Variants in SCFD2 observed in about 807,000 individuals in gnomAD.
The protein encoded by SCFD2 is sec1 family domain-containing protein 2.
A neutral mutation model predicts 58.9 loss-of-function variants in SCFD2; 54 were observed. That is an observed-to-expected ratio of 0.92 (90% CI 0.74 to 1.15). The LOEUF is 1.15. Among genes scored for constraint, SCFD2 ranks in the 50% most tolerant of loss-of-function variants. The probability of loss-of-function intolerance (pLI) is 0.00; values close to 1 mark genes in which losing one functional copy is unlikely to be tolerated. For missense variants in SCFD2, 805 were observed against 836.6 expected (o/e 0.96, Z 0.47); for synonymous variants, 321 against 335.9 (o/e 0.96, Z 0.49).
chr4:52,971,036 C>T (rs1721086551), intron 5 of SCFD2, among the ~76,000 whole-genome samples: 1 of 152,064 alleles, frequency 6.6e-6, no homozygotes, highest in Non-Finnish European at 1.5e-5. Context: ...TCATCAAAGA[C>T]CAAAGGTAGA....
chr4:53,099,457 G>A (rs1211319474), intron 5 of SCFD2, among the ~76,000 whole-genome samples: 1 of 152,150 alleles, frequency 6.6e-6, no homozygotes, highest in Non-Finnish European at 1.5e-5. Context: ...GAATATCTAA[G>A]GCTGGGTAAT....
At chr4:53,010,842 C>G (rs1232378758) in intron 5 of SCFD2, among the ~76,000 whole-genome samples, 2 of 152,134 alleles carry the variant, frequency 1.3e-5, no homozygotes, top group African/African-American at 2.4e-5. Context: ...TCCTCAGATC[C>G]CAAATACATA....
chr4:53,184,643 T>G (rs1727687283), intron 4 of SCFD2, among the ~76,000 whole-genome samples: 1 of 152,160 alleles, frequency 6.6e-6, no homozygotes, highest in South Asian at 2.1e-4. Flanking sequence ...ATCTACTCTG[T>G]TTGTCCAAAG....
chr4:53,251,468 G>A (rs1730377550), intron 4 of SCFD2, among the ~76,000 whole-genome samples: 1 of 152,112 alleles, frequency 6.6e-6, no homozygotes, highest in African/African-American at 2.4e-5. Context: ...GATGAACATT[G>A]ATGCAAAAAT....
intron 1 of SCFD2, 141 bp from the exon 2 acceptor site, chr4:53,352,907 T>C (rs1339825073): frequency 7.1e-6 from 5 of 705,746 alleles, no homozygotes; most frequent in Non-Finnish European, 1.2e-5. Flanking sequence ...TTGCCCTTCA[T>C]ACAGCTAATC....
intron 5 of SCFD2, among the ~76,000 whole-genome samples, chr4:52,979,252 T>C (rs1029937674): frequency 1.3e-5 from 2 of 152,114 alleles, no homozygotes; most frequent in Non-Finnish European, 2.9e-5. Flanking sequence ...GCAGGTTTTC[T>C]AGGGGCTGAT....
chr4:53,293,535 T>C (rs1364369160), intron 3 of SCFD2, among the ~76,000 whole-genome samples: 2 of 152,148 alleles, frequency 1.3e-5, no homozygotes, highest in African/African-American at 4.8e-5. Context: ...AACCTCATGA[T>C]CATCTCAAAT....
chr4:53,328,246 C>A lies in SCFD2; in HGVS notation c.1008-14483G>T, dbSNP rs548792544. On this transcript the variant is annotated intron_variant, in intron 2 of 8. Coordinates refer to ENST00000401642, the MANE Select transcript of SCFD2 (RefSeq NM_152540.4). ...TATACAAATTCCTTAGCTGTGTCCA[C>A]TGTGAGGCCCTGGGAACAGTGACAC... is the stretch of plus-strand genomic sequence containing the variant. 2.6e-5 allele frequency among the ~76,000 whole-genome samples: 4 copies of A among 152,162 alleles called. No homozygotes were observed. In the South Asian group the frequency reaches 8.3e-4, roughly 32 times the overall value.
chr4:52,892,993 C>G (rs1560472280), intron 7 of SCFD2, among the ~76,000 whole-genome samples: 1 of 152,070 alleles, frequency 6.6e-6, no homozygotes, highest in Non-Finnish European at 1.5e-5. Context: ...AATACTGAAC[C>G]CTATTTCATA....
chr4:53,043,803 C>G (rs1466346753), intron 5 of SCFD2, among the ~76,000 whole-genome samples: 1 of 151,826 alleles, frequency 6.6e-6, no homozygotes, highest in Non-Finnish European at 1.5e-5. Context: ...AAAAAATATT[C>G]TTTTAAAATA....
intron 5 of SCFD2, among the ~76,000 whole-genome samples, chr4:53,042,990 A>C (rs1722937457): frequency 1.3e-5 from 2 of 152,162 alleles, no homozygotes; most frequent in African/African-American, 2.4e-5. Context: ...GAAACTTTAT[A>C]AGTTAGAAAA....
At chr4:52,994,453 C>G (rs989872916) in intron 5 of SCFD2, among the ~76,000 whole-genome samples, 5 of 152,168 alleles carry the variant, frequency 3.3e-5, no homozygotes, top group African/African-American at 1.2e-4. Flanking sequence ...CATCGGTGCC[C>G]TCACCTGTCA....
chr4:52,874,104 G>T (rs1718414199), intron 8 of SCFD2, 43 bp from the exon 9 acceptor site: 3 of 1,303,598 alleles, frequency 2.3e-6, no homozygotes, highest in Non-Finnish European at 3.3e-6. Flanking sequence ...GAATTAGGGG[G>T]GCCAATCTCA....
At chr4:52,911,473 T>C (rs1719484231) in intron 6 of SCFD2, among the ~76,000 whole-genome samples, 1 of 152,250 alleles carries the variant, frequency 6.6e-6, no homozygotes, top group African/African-American at 2.4e-5. Context: ...TTTGTGATTG[T>C]TCTGTGCTAC....
At chr4:52,928,770 C>A (rs551992692) in intron 5 of SCFD2, among the ~76,000 whole-genome samples, 1 of 152,196 alleles carries the variant, frequency 6.6e-6, no homozygotes, top group South Asian at 2.1e-4. Context: ...AGGACATGCT[C>A]CAGTGGGAGC....
intron 2 of SCFD2, among the ~76,000 whole-genome samples, chr4:53,346,030 C>T (rs567231031): frequency 6.6e-6 from 1 of 152,124 alleles, no homozygotes; most frequent in Admixed American, 6.6e-5. Context: ...AGCAAACCAA[C>T]ATGGCACATG....
intron 5 of SCFD2, among the ~76,000 whole-genome samples, chr4:53,127,945 T>C (rs1173834846): frequency 6.9e-6 from 1 of 145,418 alleles, no homozygotes; most frequent in Non-Finnish European, 1.5e-5. Flanking sequence ...AGTTTTTTGT[T>C]TTTTTTTTTT....
At chr4:53,147,429 A>G (rs1212989962) in intron 4 of SCFD2, among the ~76,000 whole-genome samples, 1 of 152,212 alleles carries the variant, frequency 6.6e-6, no homozygotes, top group Non-Finnish European at 1.5e-5. Flanking sequence ...TTTTATACAC[A>G]AAAAACAGCT....
At chr4:52,935,537 A>G (rs935720051) in intron 5 of SCFD2, among the ~76,000 whole-genome samples, 2 of 152,154 alleles carry the variant, frequency 1.3e-5, no homozygotes, top group African/African-American at 2.4e-5. Flanking sequence ...TAATACTTTG[A>G]TTGTTCTACA....
Sources: gnomAD v4.1 joint callset for allele counts (sites outside exome capture counted in the v4.1 genomes callset) on GRCh38, gnomAD v4.1.1 for gene constraint, MANE v1.5 for transcripts, NCBI Gene and HGNC (gene_info 2026-07-23, HGNC 2026-07-21) for gene names.